Variants in SPAG16 observed in about 807,000 individuals in gnomAD.
SPAG16 encodes the protein sperm-associated antigen 16 protein.
SPAG16 carries 86 observed loss-of-function variants against 80.4 expected under a neutral mutation model. The ratio of observed to expected loss-of-function variants is 1.07; its 90% CI spans 0.90 to 1.28. The LOEUF is 1.28. Ranked by LOEUF, SPAG16 falls within the 50% of genes most tolerant of loss-of-function variation. The probability of loss-of-function intolerance (pLI) is 0.00; values close to 1 mark genes in which losing one functional copy is unlikely to be tolerated. For missense variants in SPAG16, 870 were observed against 765.3 expected, an observed-to-expected ratio of 1.14 and a Z score of -1.61; for synonymous variants, 294 against 265.9, an observed-to-expected ratio of 1.11 and a Z score of -1.03.
At chr2:213,749,175 A>T (rs1363122871) in intron 10 of SPAG16, among the ~76,000 whole-genome samples, 1 of 152,040 alleles carries the variant, frequency 6.6e-6, no homozygotes, top group Non-Finnish European at 1.5e-5. Context: ...AAACAAAACA[A>T]AACAAAAAAC....
chr2:213,302,647 G>GTA (rs34440269), intron 3 of SPAG16: 99,542 of 148,476 alleles, frequency 0.67, 33,816 homozygotes, highest in East Asian at 0.97. Context: ...GTGTGTGTGT[G>GTA]TGTGTGTGTG....
In SPAG16 at chr2:213,521,484, T is replaced by C. The variant is rs571016658; in HGVS notation, c.1070+31394T>C. Among the ~76,000 whole-genome samples, 76 of 152,340 alleles carry C rather than the reference T, an allele frequency of 5.0e-4. 1 individual carries two copies. Among genetic ancestry groups the C allele is most frequent in the African/African-American group, 1.8e-3 (74 of 41,588 alleles). On this transcript the variant is annotated intron_variant, in intron 10 of 15. Transcript: ENST00000331683. ...TAGAGCCTATCTCCCCTGAGAGCTT[T>C]TGCTTTTTATTCTCTTGCTCCACAA...
chr2:213,926,172 A>G (rs187460740), intron 11 of SPAG16, among the ~76,000 whole-genome samples: 2 of 152,180 alleles, frequency 1.3e-5, no homozygotes, highest in Admixed American at 1.3e-4. Context: ...TTAACCACCT[A>G]TACTGTGTTC....
At chr2:213,335,875 T>G in intron 5 of SPAG16, among the ~76,000 whole-genome samples, 1 of 145,382 alleles carries the variant, frequency 6.9e-6, no homozygotes, top group South Asian at 2.2e-4. Context: ...TGCTGGGAGG[T>G]GGGGAGAAAG....
Position 213,297,319 on chromosome 2 carries a change from C to T in SPAG16, c.241C>T (p.Gln81Ter), listed in dbSNP as rs2062545416. ...EGEEDLAKAI[Q>*]MAQEQATDTE... The stretch of plus-strand genomic sequence containing the variant: ...TGAAGAAGATCTGGCAAAAGCAATT[C>T]AGATGGCCCAAGAACAGGCTACAGA... Residue 81 changes from glutamine to a stop codon, truncating the protein, a stop_gained, in exon 3 of 16, where the codon CAG becomes TAG. Coordinates refer to ENST00000331683, the MANE Select transcript of SPAG16 (RefSeq NM_024532.5). LOFTEE classifies it high-confidence loss of function. The T allele has an allele frequency of 2.5e-6, 4 of 1,612,894 alleles. No homozygotes were observed. The highest frequency in any genetic ancestry group is 3.4e-6 in the Non-Finnish European group (4 of 1,179,218).
intron 12 of SPAG16, among the ~76,000 whole-genome samples, chr2:213,940,036 A>C (rs2079134854): frequency 6.6e-6 from 1 of 152,208 alleles, no homozygotes; most frequent in African/African-American, 2.4e-5. Context: ...CTACAAATTC[A>C]AGGCATACAC....
intron 13 of SPAG16, among the ~76,000 whole-genome samples, chr2:214,035,959 G>A (rs1333551740): frequency 6.6e-6 from 1 of 152,214 alleles, no homozygotes; most frequent in Non-Finnish European, 1.5e-5. Context: ...GGCCGCTGTA[G>A]ATTAACCACC....
intron 15 of SPAG16, among the ~76,000 whole-genome samples, chr2:214,157,387 A>T (rs1480645021): frequency 6.6e-6 from 1 of 152,180 alleles, no homozygotes; most frequent in Non-Finnish European, 1.5e-5. Flanking sequence ...ACAGTAAAAA[A>T]AACTGTTATG....
intron 10 of SPAG16, among the ~76,000 whole-genome samples, chr2:213,740,961 A>T (rs893776578): frequency 6.6e-6 from 1 of 152,204 alleles, no homozygotes; most frequent in Non-Finnish European, 1.5e-5. Context: ...TGTTTCCTTA[A>T]AATATATCAT....
intron 14 of SPAG16, among the ~76,000 whole-genome samples, chr2:214,146,963 T>C (rs980256113): frequency 6.6e-6 from 1 of 150,462 alleles, no homozygotes; most frequent in Admixed American, 6.6e-5. Context: ...GATTGTGCCA[T>C]TGCACTCCAG....
intron 15 of SPAG16, among the ~76,000 whole-genome samples, chr2:214,261,737 G>A (rs1047421956): frequency 3.9e-5 from 6 of 152,018 alleles, no homozygotes; most frequent in South Asian, 2.1e-4. Flanking sequence ...TATAATAAAC[G>A]AAGTGTAAAT....
chr2:214,030,898 G>T (rs182742677), intron 13 of SPAG16, among the ~76,000 whole-genome samples: 2 of 152,312 alleles, frequency 1.3e-5, no homozygotes, highest in Admixed American at 1.3e-4. Flanking sequence ...ATGTCCCTGG[G>T]GACAGGTAGA....
intron 15 of SPAG16, among the ~76,000 whole-genome samples, chr2:214,166,956 C>T (rs2056680460): frequency 6.6e-6 from 1 of 152,078 alleles, no homozygotes; most frequent in African/African-American, 2.4e-5. Flanking sequence ...TCTTAAGGAC[C>T]TCCCACATCT....
At chr2:213,993,048 G>A (rs553383948) in intron 12 of SPAG16, among the ~76,000 whole-genome samples, 1 of 152,282 alleles carries the variant, frequency 6.6e-6, no homozygotes, top group African/African-American at 2.4e-5. Context: ...ACAAACACAA[G>A]TGGATCATGT....
intron 15 of SPAG16, among the ~76,000 whole-genome samples, chr2:214,210,394 G>A (rs993374159): frequency 6.6e-6 from 1 of 152,084 alleles, no homozygotes; most frequent in African/African-American, 2.4e-5. Context: ...GGTATGTCAT[G>A]AGTAAATTCA....
intron 10 of SPAG16, among the ~76,000 whole-genome samples, chr2:213,571,316 C>A (rs1392175761): frequency 2.7e-4 from 1 of 3,764 alleles, no homozygotes; most frequent in Non-Finnish European, 4.0e-4. Context: ...TTAGTTGATG[C>A]AGTTTCTTCC....
At chr2:213,500,997 G>T (rs1048729077) in intron 10 of SPAG16, among the ~76,000 whole-genome samples, 21 of 152,158 alleles carry the variant, frequency 1.4e-4, no homozygotes, top group African/African-American at 4.3e-4. Context: ...GGTAGAGACC[G>T]TTCCCAGAGG....
intron 14 of SPAG16, among the ~76,000 whole-genome samples, chr2:214,131,385 A>G (rs1240495303): frequency 6.6e-6 from 1 of 152,024 alleles, no homozygotes; most frequent in African/African-American, 2.4e-5. Context: ...TAAAAAAAAA[A>G]AAAAAATCAA....
chr2:213,980,681 G>T (rs1440037207), intron 12 of SPAG16, among the ~76,000 whole-genome samples: 1 of 138,622 alleles, frequency 7.2e-6, no homozygotes, highest in South Asian at 2.2e-4. Context: ...ATATATGTGT[G>T]TATATATAGA....
Sources: allele counts gnomAD v4.1 joint callset (sites outside exome capture counted in the v4.1 genomes callset), GRCh38; gene constraint gnomAD v4.1.1; transcripts MANE v1.5; gene names NCBI Gene and HGNC (gene_info 2026-07-23, HGNC 2026-07-21).